Variants in RMND1 observed in about 807,000 individuals in gnomAD.
RMND1 encodes the protein required for meiotic nuclear division 1 homolog, also known as required for meiotic nuclear division protein 1 homolog.
RMND1 carries 41 observed loss-of-function variants against 54.0 expected under a neutral mutation model. The ratio of observed to expected loss-of-function variants is 0.76; its 90% CI spans 0.59 to 0.98. RMND1 has a LOEUF of 0.98. Ranked by LOEUF, RMND1 falls within the 50% of genes least tolerant of loss-of-function variation. The pLI is 0.00. For missense variants in RMND1, 457 were observed against 532.0 expected, an observed-to-expected ratio of 0.86 and a Z score of 1.39; for synonymous variants, 183 against 181.7, an observed-to-expected ratio of 1.01 and a Z score of -0.06.
At chr6:151,427,438 T>G (rs780032913) in intron 6 of RMND1, 44 bp downstream of exon 6, 1 of 1,202,850 alleles carries the variant, frequency 8.3e-7, no homozygotes, top group South Asian at 1.2e-5. Context: ...TTACCTAATT[T>G]ATTCCAAGTG....
chr6:151,448,218 C>T (rs1781020681), intron 1 of RMND1, among the ~76,000 whole-genome samples: 1 of 151,854 alleles, frequency 6.6e-6, no homozygotes, highest in Admixed American at 6.6e-5. Context: ...TACATCGGAC[C>T]TCCTCATCTC....
intron 6 of RMND1, 92 bp downstream of exon 6, chr6:151,427,390 A>T: frequency 2.8e-6 from 2 of 703,456 alleles, no homozygotes; most frequent in Non-Finnish European, 4.7e-6. Context: ...AAAAAAAAAA[A>T]GTTTCCATAT....
At chr6:151,415,431 A>G (rs1285091082) in intron 10 of RMND1, among the ~76,000 whole-genome samples, 1 of 152,168 alleles carries the variant, frequency 6.6e-6, no homozygotes, top group Non-Finnish European at 1.5e-5. Flanking sequence ...ATGCAACGAG[A>G]TATATTAAAA....
intron 4 of RMND1, among the ~76,000 whole-genome samples, chr6:151,432,951 T>A (rs1188353127): frequency 6.6e-6 from 1 of 152,234 alleles, no homozygotes; most frequent in Non-Finnish European, 1.5e-5. Flanking sequence ...GTTTGAAATA[T>A]TCTTTACTTT....
At chr6:151,448,905 C>T (rs1781040994) in intron 1 of RMND1, among the ~76,000 whole-genome samples, 4 of 151,870 alleles carry the variant, frequency 2.6e-5, no homozygotes, top group Admixed American at 1.3e-4. Flanking sequence ...GGCGAAACCC[C>T]GTGTCTACTA....
At chr6:151,449,701 C>T (rs955341253) in intron 1 of RMND1, among the ~76,000 whole-genome samples, 1 of 152,176 alleles carries the variant, frequency 6.6e-6, no homozygotes, top group Non-Finnish European at 1.5e-5. Context: ...GATGCCGAGC[C>T]GAAGCTGGAC....
chr6:151,415,556 A>G lies in RMND1; in HGVS notation c.1200+1723T>C, dbSNP rs182311393. 7.0e-4 allele frequency among the ~76,000 whole-genome samples: 106 copies of G among 152,238 alleles called. 1 individual carries two copies. Among genetic ancestry groups the G allele is most frequent in the African/African-American group, 2.5e-3 (103 of 41,560 alleles). ...AGTTGAGGGCATTATGCTCTGTGAA[A>G]AAAGCCAGTTAAAAAGTCACATACA... On this transcript the variant is annotated intron_variant, in intron 10 of 11. Transcript: ENST00000444024.
intron 9 of RMND1, 66 bp from the exon 10 acceptor site, chr6:151,417,465 T>C (rs1780038984): frequency 7.4e-7 from 1 of 1,350,768 alleles, no homozygotes; most frequent in South Asian, 1.4e-5. Context: ...CTATTGTATT[T>C]AATATTTACA....
Position 151,445,497 on chromosome 6 carries a change from C to A in RMND1, c.315G>T (p.Arg105Ser). 6.2e-7 allele frequency: 1 copy of A among 1,614,220 alleles called. No homozygotes were observed. Among genetic ancestry groups the A allele is most frequent in the Non-Finnish European group, 8.5e-7 (1 of 1,180,046 alleles). ...LPTMKSFGTHRRVTHKPNLLG... is the reference protein window; with the variant it reads ...LPTMKSFGTHSRVTHKPNLLG... ...ACAGATTTGGTTTGTGGGTCACTCT[C>A]CTGTGAGTACCAAAGGATTTCATGG... Residue 105 changes from arginine (R) to serine (S), a missense_variant, in exon 2 of 12, where the codon AGG becomes AGT. Transcript: ENST00000444024.
intron 2 of RMND1, among the ~76,000 whole-genome samples, chr6:151,441,049 T>A (rs1780763833): frequency 6.6e-6 from 1 of 152,216 alleles, no homozygotes; most frequent in South Asian, 2.1e-4. Flanking sequence ...CAAAATGTTT[T>A]AAAAAACCCA....
rs1287400581 is a variant in RMND1 at position 151,405,753 on chromosome 6, C to T, written c.1284G>A (p.Leu428=). ...NHLNEKRALR[L]EWMIVILITI... The stretch of plus-strand genomic sequence containing the variant: ...TAATGAGGATGACAATCATCCACTC[C>T]AAGCGGAGTGCCCTCTTCTCATTCA... The change falls in exon 11 of 12, where the codon TTG becomes TTA. Residue 428 remains leucine, a synonymous_variant. Transcript: ENST00000444024. 1 of 1,602,882 alleles carries T rather than the reference C, an allele frequency of 6.2e-7. No homozygotes were observed. Among genetic ancestry groups the T allele is most frequent in the Admixed American group, 1.7e-5 (1 of 60,008 alleles).
rs373771102 is a variant in RMND1 at position 151,423,649 on chromosome 6, A to G, written c.831-18T>C. 1.9e-5 allele frequency: 28 copies of G among 1,487,220 alleles called. No individual in the cohort carries two copies. Among genetic ancestry groups the G allele is most frequent in the Non-Finnish European group, 2.5e-5 (27 of 1,064,622 alleles). The allele number at this position is 1,487,220 out of a possible 1,614,324, so 92.1% of individuals were successfully genotyped here. On this transcript the variant is annotated intron_variant, in intron 6 of 11. Coordinates refer to ENST00000444024, the MANE Select transcript of RMND1 (RefSeq NM_017909.4). ...ACTGTCCCCTGTGAAAAGCAAAAAGATAATACCTTCTAAATCTTAAAAAGC... is the reference window on the plus strand; with the variant it reads ...ACTGTCCCCTGTGAAAAGCAAAAAGGTAATACCTTCTAAATCTTAAAAAGC...
intron 6 of RMND1, among the ~76,000 whole-genome samples, chr6:151,427,218 T>C (rs1336733779): frequency 1.3e-5 from 2 of 151,874 alleles, no homozygotes. Context: ...CTACTAAAAA[T>C]ACAAAAAATT....
intron 9 of RMND1, 81 bp downstream of exon 9, chr6:151,421,164 C>T: frequency 2.0e-6 from 2 of 995,900 alleles, no homozygotes; most frequent in Non-Finnish European, 3.1e-6. Context: ...TAAATGTTTG[C>T]TCTTCACCAC....
chr6:151,451,060 A>G (rs1466830106), intron 1 of RMND1, among the ~76,000 whole-genome samples: 1 of 152,156 alleles, frequency 6.6e-6, no homozygotes, highest in Non-Finnish European at 1.5e-5. Context: ...GGACACAAAC[A>G]CTGCGGAAGG....
intron 6 of RMND1, among the ~76,000 whole-genome samples, chr6:151,424,014 ATTT>A (rs561907657): frequency 1.1e-4 from 17 of 151,634 alleles, no homozygotes; most frequent in Admixed American, 2.6e-4. Flanking sequence ...CACCCAGCTA[ATTT>A]TTTTTGTATT....
chr6:151,410,106 C>G (rs58578106), intron 10 of RMND1, among the ~76,000 whole-genome samples: 4,930 of 150,432 alleles, frequency 0.033, 168 homozygotes, highest in East Asian at 0.19. Context: ...CCAGGCTGGA[C>G]TGCAGTGGCA....
chr6:151,427,396 C>T, intron 6 of RMND1, 86 bp downstream of exon 6: 1 of 751,988 alleles, frequency 1.3e-6, no homozygotes, highest in Non-Finnish European at 2.2e-6. Flanking sequence ...AAAAAGTTTC[C>T]ATATGCATAA....
At chr6:151,445,208 T>C in intron 2 of RMND1, 100 bp downstream of exon 2, 1 of 1,228,272 alleles carries the variant, frequency 8.1e-7, no homozygotes, top group Non-Finnish European at 1.1e-6. Context: ...GAGTGACTGC[T>C]AGTTCTCTTA....
Sources: allele counts gnomAD v4.1 joint callset (sites outside exome capture counted in the v4.1 genomes callset), GRCh38; gene constraint gnomAD v4.1.1; transcripts MANE v1.5; gene names NCBI Gene and HGNC (gene_info 2026-07-23, HGNC 2026-07-21).